HSPA12A: variants seen among roughly 807,000 people sequenced by gnomAD.
HSPA12A encodes the protein heat shock protein family A (Hsp70) member 12A, also known as heat shock 70 kDa protein 12A.
A neutral mutation model predicts 69.2 loss-of-function variants in HSPA12A; 28 were observed. That is an observed-to-expected ratio of 0.40 (90% CI 0.30 to 0.55). HSPA12A has a LOEUF of 0.55. HSPA12A is among the 20% of genes least tolerant of loss of function. The probability of loss-of-function intolerance (pLI) is 0.38; values close to 1 mark genes in which losing one functional copy is unlikely to be tolerated. For synonymous variants in HSPA12A, 345 were observed against 370.5 expected (o/e 0.93, Z 0.79); for missense variants, 686 against 900.7 (o/e 0.76, Z 3.05).
At position 116,679,759 on chromosome 10, in the gene HSPA12A, C is replaced by A; in HGVS notation, c.1030G>T (p.Gly344Ter). The A allele has an allele frequency of 6.2e-7, 1 of 1,612,288 alleles. No homozygotes were observed. Among genetic ancestry groups the A allele is most frequent in the Non-Finnish European group, 8.5e-7 (1 of 1,178,646 alleles). ...HLKELYKATGGPYGSLGVDYE... is the reference protein window; with the variant it reads ...HLKELYKATG ...TCTACTCCTAAAGATCCATAGGGTCCGCCTGAATTGAGAACAAAAAGGGAG... is the reference window on the plus strand; with the variant it reads ...TCTACTCCTAAAGATCCATAGGGTCAGCCTGAATTGAGAACAAAAAGGGAG... Residue 344 changes from glycine to a stop codon, truncating the protein, a stop_gained and splice_region_variant, in exon 10 of 12, where the codon GGA (glycine) becomes TGA (stop). Transcript: ENST00000369209. LOFTEE classifies it high-confidence loss of function.
chr10:116,685,047 A>G (rs897805975), intron 6 of HSPA12A, among the ~76,000 whole-genome samples: 11 of 152,142 alleles, frequency 7.2e-5, no homozygotes, highest in Non-Finnish European at 1.3e-4. Context: ...TGCCAGCCCG[A>G]TGGACCACGG....
upstream of HSPA12A, among the ~76,000 whole-genome samples, chr10:116,742,995 T>G (rs1459422530): frequency 6.6e-6 from 1 of 152,082 alleles, no homozygotes. Context: ...CACCAGCTTC[T>G]GTCTGTCCCC....
chr10:116,791,567 A>T (rs1844700487), intron 2 of HSPA12A, among the ~76,000 whole-genome samples: 1 of 152,116 alleles, frequency 6.6e-6, no homozygotes, highest in African/African-American at 2.4e-5. Flanking sequence ...ATGCTATATC[A>T]TTATTTTTTA....
intron 2 of HSPA12A, among the ~76,000 whole-genome samples, chr10:116,814,346 C>A (rs141619255): frequency 6.6e-6 from 1 of 152,230 alleles, no homozygotes; most frequent in South Asian, 2.1e-4. Context: ...AGGCAGAGGG[C>A]GGCCAGCTGT....
chr10:116,826,425 C>T (rs1336181204), intron 2 of HSPA12A, among the ~76,000 whole-genome samples: 26 of 152,040 alleles, frequency 1.7e-4, no homozygotes, highest in Admixed American at 1.6e-3. Flanking sequence ...ATGAATGAAA[C>T]GTAAAAGCCA....
intron 2 of HSPA12A, among the ~76,000 whole-genome samples, chr10:116,801,532 C>T (rs1432499709): frequency 1.3e-5 from 2 of 152,098 alleles, no homozygotes; most frequent in African/African-American, 4.8e-5. Flanking sequence ...TCACCTCACA[C>T]TGAAAAAACG....
chr10:116,688,613 C>T (rs1630362), intron 6 of HSPA12A, among the ~76,000 whole-genome samples: 8,275 of 152,298 alleles, frequency 0.054, 413 homozygotes, highest in East Asian at 0.27. Flanking sequence ...TGCTGGTCTG[C>T]GGTCAGGCTA....
intron 2 of HSPA12A, among the ~76,000 whole-genome samples, chr10:116,797,673 CCT>C (rs760959402): frequency 5.9e-5 from 9 of 152,264 alleles, no homozygotes; most frequent in East Asian, 1.9e-4. Context: ...GACAGAAGCC[CCT>C]GTTTCCAGGG....
rs142419653 is a variant in HSPA12A at position 116,770,583 on chromosome 10, G to T, written c.92-63298C>A. Among the ~76,000 whole-genome samples the T allele has an allele frequency of 4.1e-4, 62 of 152,248 alleles. No homozygotes were observed. The East Asian group carries it at 8.3e-3, about 20-fold the overall frequency. On this transcript the variant is annotated intron_variant, in intron 2 of 12. Transcript: ENST00000635765. ...TGAGGCAGCAAGGTGGGGTGGGGGT[G>T]AGGGAGGACTGAGGCAAGGTGGTAG... is the stretch of plus-strand genomic sequence containing the variant.
chr10:116,742,674 G>A (rs1456325255), upstream of HSPA12A: 2 of 899,904 alleles, frequency 2.2e-6, no homozygotes, highest in Non-Finnish European at 2.7e-6. Context: ...TCCGAGCTCG[G>A]GCCGGCCGGG....
At chr10:116,778,904 G>A (rs868947196) in intron 2 of HSPA12A, among the ~76,000 whole-genome samples, 2 of 152,256 alleles carry the variant, frequency 1.3e-5, no homozygotes, top group African/African-American at 4.8e-5. Context: ...CATTGCACTC[G>A]CAGTGGGGAG....
chr10:116,693,450 T>C (rs553997902), intron 5 of HSPA12A, among the ~76,000 whole-genome samples: 1 of 152,284 alleles, frequency 6.6e-6, no homozygotes, highest in East Asian at 1.9e-4. Context: ...CTGGCGAGAT[T>C]AAATGAAAAC....
At chr10:116,817,855 C>G (rs1391404416) in intron 2 of HSPA12A, among the ~76,000 whole-genome samples, 2 of 152,196 alleles carry the variant, frequency 1.3e-5, no homozygotes, top group Non-Finnish European at 2.9e-5. Context: ...TGCTTTCCGT[C>G]CGGATGCTGA....
In HSPA12A at chr10:116,681,227, C is replaced by T; in HGVS notation, c.952G>A (p.Gly318Ser). 7 of 1,614,060 alleles carry T rather than the reference C, an allele frequency of 4.3e-6. No homozygotes were observed. Among genetic ancestry groups the T allele is most frequent in the South Asian group, 1.1e-5 (1 of 91,076 alleles). The change falls in exon 9 of 12, where the codon GGT (glycine) becomes AGT (serine). Residue 318 changes from glycine (G) to serine (S), a missense_variant. By Grantham distance (56) the Gly-to-Ser change is moderately conservative. Coordinates refer to ENST00000369209, the MANE Select transcript of HSPA12A (RefSeq NM_025015.3). ...TGGACTGTCAGGTCTACGGTGCCAC[C>T]GCCACTGTCCACAACCACATACTTA... ...GDKYVVVDSGGGTVDLTVHQI... is the reference protein window; with the variant it reads ...GDKYVVVDSGSGTVDLTVHQI...
chr10:116,815,614 C>T (rs1845289029), intron 2 of HSPA12A, among the ~76,000 whole-genome samples: 1 of 152,006 alleles, frequency 6.6e-6, no homozygotes, highest in Non-Finnish European at 1.5e-5. Flanking sequence ...AAGCAAAAAA[C>T]CCAGGAAGGA....
intron 2 of HSPA12A, among the ~76,000 whole-genome samples, chr10:116,815,025 C>A (rs1231248920): frequency 6.6e-6 from 1 of 152,096 alleles, no homozygotes; most frequent in Admixed American, 6.5e-5. Context: ...ACCATCCCCT[C>A]TTCTTGCAGT....
chr10:116,750,420 C>T (rs1304003668), intron 2 of HSPA12A: 9 of 646,642 alleles, frequency 1.4e-5, no homozygotes, highest in African/African-American at 3.6e-5. Context: ...TTGTCTACCC[C>T]TCATGGTACC....
At chr10:116,684,912 G>GAAA (rs1849530881) in intron 6 of HSPA12A, among the ~76,000 whole-genome samples, 1 of 152,154 alleles carries the variant, frequency 6.6e-6, no homozygotes, top group Non-Finnish European at 1.5e-5. Flanking sequence ...ACCCTTCTGA[G>GAAA]GATGCTCAGA....
At chr10:116,752,906 T>C (rs543698210) in intron 2 of HSPA12A, among the ~76,000 whole-genome samples, 11 of 152,296 alleles carry the variant, frequency 7.2e-5, no homozygotes, top group Admixed American at 6.5e-4. Flanking sequence ...TAGCCCACTC[T>C]CAGTAATGAC....
Sources: gnomAD v4.1 joint callset for allele counts (sites outside exome capture counted in the v4.1 genomes callset) on GRCh38, gnomAD v4.1.1 for gene constraint, MANE v1.5 for transcripts, NCBI Gene and HGNC (gene_info 2026-07-23, HGNC 2026-07-21) for gene names.